CNTNAP2: variants seen among roughly 807,000 people sequenced by gnomAD.
CNTNAP2 encodes the protein contactin-associated protein-like 2.
A neutral mutation model predicts 155.2 loss-of-function variants in CNTNAP2; 98 were observed. The ratio of observed to expected loss-of-function variants is 0.63; its 90% CI spans 0.54 to 0.75. The LOEUF (loss-of-function observed/expected upper bound fraction) is 0.75. Ranked by LOEUF, CNTNAP2 falls within the 30% of genes least tolerant of loss-of-function variation. The pLI is 0.00. For synonymous variants in CNTNAP2, 651 were observed against 631.2 expected (o/e 1.03, Z -0.47); for missense variants, 1,727 against 1,688.1 (o/e 1.02, Z -0.40).
chr7:147,157,891 A>G (rs190533300), intron 8 of CNTNAP2, among the ~76,000 whole-genome samples: 285 of 152,252 alleles, frequency 1.9e-3, no homozygotes, highest in African/African-American at 6.5e-3. Context: ...TTATATTCTT[A>G]TTGATGTTTT....
rs1012132587 is a variant in CNTNAP2, at chr7:147,716,519, C to T, written c.2098+77213C>T. Among the ~76,000 whole-genome samples, 102 of 152,222 alleles carry T rather than the reference C, an allele frequency of 6.7e-4. 1 individual carries two copies. Among genetic ancestry groups the T allele is most frequent in the African/African-American group, 2.4e-3 (99 of 41,558 alleles). On this transcript the variant is annotated intron_variant, in intron 13 of 23. Transcript: ENST00000361727. ...AGCTTTTATTATGCAGGCGAGTTCT[C>T]TGCCTGAGCTGAGCCATGTTGCCAA... is the stretch of plus-strand genomic sequence containing the variant.
Position 146,593,967 on chromosome 7 carries a change from T to C in CNTNAP2, c.98-180304T>C, listed in dbSNP as rs578111991. ...TATCTGATCACCATCAATATCTAAT[T>C]GGGTTCCCCACCCTCCACTATCCTC... On this transcript the variant is annotated intron_variant, in intron 1 of 23. Coordinates refer to ENST00000361727, the MANE Select transcript of CNTNAP2 (RefSeq NM_014141.6). Among the ~76,000 whole-genome samples the C allele has an allele frequency of 5.9e-5, 9 of 152,272 alleles. No individual in the cohort carries two copies. The South Asian group carries it at 1.9e-3, about 32-fold the overall frequency.
chr7:146,403,418 G>A (rs1320576821), intron 1 of CNTNAP2, among the ~76,000 whole-genome samples: 1 of 151,968 alleles, frequency 6.6e-6, no homozygotes, highest in African/African-American at 2.4e-5. Context: ...TATAATATTA[G>A]GTTTAAATTT....
intron 1 of CNTNAP2, among the ~76,000 whole-genome samples, chr7:146,283,355 G>A (rs2129085195): frequency 6.6e-6 from 1 of 152,234 alleles, no homozygotes; most frequent in East Asian, 1.9e-4. Context: ...AGAAAAATGA[G>A]TGGTTCTGTT....
chr7:146,959,926 G>A (rs1461171715), intron 3 of CNTNAP2, among the ~76,000 whole-genome samples: 1 of 152,194 alleles, frequency 6.6e-6, no homozygotes, highest in Admixed American at 6.5e-5. Flanking sequence ...TAGACTAGGA[G>A]CATCTAGGCT....
At chr7:147,594,830 G>A (rs1800798641) in intron 12 of CNTNAP2, among the ~76,000 whole-genome samples, 2 of 152,126 alleles carry the variant, frequency 1.3e-5, no homozygotes, top group African/African-American at 4.8e-5. Context: ...ATGGTAAAAA[G>A]AGAGCATGGT....
At chr7:147,241,700 CTT>C (rs1439033026) in intron 8 of CNTNAP2, among the ~76,000 whole-genome samples, 3 of 147,294 alleles carry the variant, frequency 2.0e-5, no homozygotes, top group Admixed American at 6.7e-5. Context: ...GGCTTCTGAA[CTT>C]TTTTTGTTGT....
intron 14 of CNTNAP2, among the ~76,000 whole-genome samples, chr7:147,967,231 T>C (rs1801231968): frequency 6.6e-6 from 1 of 152,204 alleles, no homozygotes; most frequent in South Asian, 2.1e-4. Context: ...AAATTAGTCT[T>C]CTAGCCAGTA....
intron 11 of CNTNAP2, among the ~76,000 whole-genome samples, chr7:147,516,745 G>T (rs1488284398): frequency 6.6e-6 from 1 of 151,340 alleles, no homozygotes; most frequent in African/African-American, 2.4e-5. Context: ...TTAATTTCAG[G>T]TGTTTCTTCT....
In CNTNAP2 at chr7:146,874,163, A is replaced by G. The variant is rs1007363768; in HGVS notation, c.402+34259A>G. 1.8e-4 allele frequency among the ~76,000 whole-genome samples: 27 copies of G among 152,198 alleles called. 1 individual carries two copies. The highest frequency in any genetic ancestry group is 5.8e-4 in the African/African-American group (24 of 41,532). On this transcript the variant is annotated intron_variant, in intron 3 of 23. Coordinates refer to ENST00000361727, the MANE Select transcript of CNTNAP2 (RefSeq NM_014141.6). ...CTGACGTTAAAATCTGATGCCAGGA[A>G]ATAGGAACTTGTATATAAAAGATCC... is the stretch of plus-strand genomic sequence containing the variant.
chr7:147,324,630 A>G (rs1563160906), intron 9 of CNTNAP2, among the ~76,000 whole-genome samples: 1 of 152,056 alleles, frequency 6.6e-6, no homozygotes, highest in South Asian at 2.1e-4. Context: ...TCTTTCTTCA[A>G]CTTATTTGTA....
intron 10 of CNTNAP2, among the ~76,000 whole-genome samples, chr7:147,456,006 CATA>C (rs1343423317): frequency 4.6e-5 from 7 of 152,036 alleles, no homozygotes; most frequent in Admixed American, 4.6e-4. Context: ...CATTCTGTAA[CATA>C]AGAATTGATG....
At chr7:147,595,539 T>A (rs1800812135) in intron 12 of CNTNAP2, among the ~76,000 whole-genome samples, 1 of 152,242 alleles carries the variant, frequency 6.6e-6, no homozygotes, top group Non-Finnish European at 1.5e-5. Context: ...CCTACTGATG[T>A]ACATCATCTC....
chr7:146,643,226 T>A (rs1254370311), intron 1 of CNTNAP2, among the ~76,000 whole-genome samples: 2 of 139,630 alleles, frequency 1.4e-5, no homozygotes, highest in Non-Finnish European at 3.2e-5. Flanking sequence ...AGACATGAAG[T>A]CCTTGCCCAT....
At chr7:147,032,128 T>G (rs1404478738) in intron 3 of CNTNAP2, among the ~76,000 whole-genome samples, 2 of 152,216 alleles carry the variant, frequency 1.3e-5, no homozygotes, top group Non-Finnish European at 2.9e-5. Flanking sequence ...GTTTTCAGTT[T>G]ACTGTATTAA....
intron 21 of CNTNAP2, among the ~76,000 whole-genome samples, chr7:148,309,180 C>G (rs1247356024): frequency 6.6e-6 from 1 of 152,186 alleles, no homozygotes; most frequent in Admixed American, 6.5e-5. Context: ...AGGAATTCTT[C>G]TCTATACAGG....
intron 3 of CNTNAP2, among the ~76,000 whole-genome samples, chr7:146,994,451 A>G (rs1195414298): frequency 6.6e-6 from 1 of 152,154 alleles, no homozygotes. Context: ...ATGATTAGGA[A>G]AGCAATTTTT....
intron 1 of CNTNAP2, among the ~76,000 whole-genome samples, chr7:146,554,749 A>ACAGACAGCTGCC (rs1228532079): frequency 7.9e-5 from 12 of 152,224 alleles, no homozygotes; most frequent in African/African-American, 2.9e-4. Context: ...GGTACCGACC[A>ACAGACAGCTGCC]CAGACAGCTG....
chr7:146,211,107 C>G (rs1799027714), intron 1 of CNTNAP2, among the ~76,000 whole-genome samples: 2 of 152,118 alleles, frequency 1.3e-5, no homozygotes, highest in African/African-American at 4.8e-5. Context: ...CAGCAAACAA[C>G]TCTAGGGCCC....
Sources: gnomAD v4.1 joint callset for allele counts (sites outside exome capture counted in the v4.1 genomes callset) on GRCh38, gnomAD v4.1.1 for gene constraint, MANE v1.5 for transcripts, NCBI Gene and HGNC (gene_info 2026-07-23, HGNC 2026-07-21) for gene names.